PTK2: variants seen among roughly 807,000 people sequenced by gnomAD.
PTK2 encodes protein tyrosine kinase 2, also known as focal adhesion kinase 1.
In PTK2, 45 loss-of-function variants were observed where a neutral mutation model predicts 150.1. The ratio of observed to expected loss-of-function variants is 0.30; its 90% CI spans 0.24 to 0.38. The LOEUF (loss-of-function observed/expected upper bound fraction) is 0.38. Among genes scored for constraint, PTK2 ranks in the 10% least tolerant of loss-of-function variants. The pLI is 1.00. For synonymous variants in PTK2, 432 were observed against 449.2 expected, an observed-to-expected ratio of 0.96 and a Z score of 0.48; for missense variants, 919 against 1,307.3, an observed-to-expected ratio of 0.70 and a Z score of 4.58.
intron 8 of PTK2, among the ~76,000 whole-genome samples, chr8:140,822,866 A>G (rs2100109617): frequency 6.6e-6 from 1 of 152,224 alleles, no homozygotes; most frequent in Non-Finnish European, 1.5e-5. Flanking sequence ...TCAAACAGAT[A>G]ATATGGATGA....
chr8:140,721,783 GTATTTC>G (rs1274123177), intron 22 of PTK2: 1 of 152,114 alleles, frequency 6.6e-6, no homozygotes, highest in African/African-American at 2.4e-5. Context: ...ACTCCTACTT[GTATTTC>G]AAGTGTCAAA....
chr8:140,820,075 GGTTTTTTTTTTTTTTTTTT>G (rs2100107263), intron 8 of PTK2, among the ~76,000 whole-genome samples: 2 of 49,102 alleles, frequency 4.1e-5, no homozygotes, highest in African/African-American at 1.2e-4. Context: ...ATCTGACTTT[GGTTTTTTTTTTTTTTTTTT>G]TTTTTTTTTT....
chr8:140,685,208 T>C (rs1228790710), intron 27 of PTK2, among the ~76,000 whole-genome samples: 1 of 152,140 alleles, frequency 6.6e-6, no homozygotes, highest in African/African-American at 2.4e-5. Context: ...AGAATAAAAC[T>C]GGGACCCTTC....
At chr8:140,908,152 C>A (rs761782046) in intron 2 of PTK2, among the ~76,000 whole-genome samples, 2 of 152,180 alleles carry the variant, frequency 1.3e-5, no homozygotes, top group African/African-American at 2.4e-5. Context: ...GAAAGCAGAA[C>A]AGCCTTATTG....
At chr8:140,807,101 G>C (rs1164008417) in intron 10 of PTK2, among the ~76,000 whole-genome samples, 1 of 152,260 alleles carries the variant, frequency 6.6e-6, no homozygotes, top group Non-Finnish European at 1.5e-5. Flanking sequence ...GTAAGTGAAT[G>C]AAGTATGAGA....
At chr8:140,877,036 T>G (rs1244332738) in intron 4 of PTK2, among the ~76,000 whole-genome samples, 1 of 137,068 alleles carries the variant, frequency 7.3e-6, no homozygotes, top group Non-Finnish European at 1.6e-5. Flanking sequence ...TTTTTTTTTT[T>G]TTTTTTTTTT....
intron 14 of PTK2, among the ~76,000 whole-genome samples, chr8:140,765,748 T>G (rs2100071919): frequency 6.6e-6 from 1 of 152,200 alleles, no homozygotes. Flanking sequence ...GCTCTGCTTC[T>G]GTGTAAGATG....
chr8:140,980,442 G>A (rs1001881297), intron 1 of PTK2, among the ~76,000 whole-genome samples: 3 of 152,108 alleles, frequency 2.0e-5, no homozygotes, highest in African/African-American at 7.2e-5. Context: ...CTAACATGGT[G>A]AAACCCCGTC....
intron 1 of PTK2, among the ~76,000 whole-genome samples, chr8:140,998,879 G>C (rs186024635): frequency 7.3e-5 from 11 of 151,590 alleles, no homozygotes; most frequent in Non-Finnish European, 1.5e-4. Context: ...AGAAAGAACA[G>C]TTATCTGACT....
intron 1 of PTK2, among the ~76,000 whole-genome samples, chr8:140,930,503 A>C (rs950814274): frequency 2.6e-5 from 4 of 152,310 alleles, no homozygotes; most frequent in Non-Finnish European, 5.9e-5. Flanking sequence ...TAAGCACTTA[A>C]AGTTATAAAG....
At chr8:140,890,980 TA>T (rs888890433) in intron 2 of PTK2, among the ~76,000 whole-genome samples, 48 of 151,540 alleles carry the variant, frequency 3.2e-4, no homozygotes, top group Non-Finnish European at 5.6e-4. Context: ...AAATATTTGT[TA>T]AAAAAAAATT....
intron 2 of PTK2, among the ~76,000 whole-genome samples, chr8:140,907,603 T>C (rs1325983055): frequency 6.6e-6 from 1 of 152,290 alleles, no homozygotes; most frequent in East Asian, 1.9e-4. Context: ...GTGGCAACCC[T>C]GCATCGAGCG....
intron 1 of PTK2, among the ~76,000 whole-genome samples, chr8:140,942,537 T>C (rs1569297035): frequency 6.6e-6 from 1 of 152,170 alleles, no homozygotes. Flanking sequence ...TACACTGAAA[T>C]CTACTTCACT....
At chr8:140,714,224 G>A (rs961482473) in intron 23 of PTK2, among the ~76,000 whole-genome samples, 1 of 152,248 alleles carries the variant, frequency 6.6e-6, no homozygotes, top group African/African-American at 2.4e-5. Context: ...GATTGGGAAA[G>A]AGAAAGACTT....
At chr8:140,880,084 A>G (rs1179268316) in intron 3 of PTK2, among the ~76,000 whole-genome samples, 2 of 152,358 alleles carry the variant, frequency 1.3e-5, no homozygotes, top group East Asian at 1.9e-4. Flanking sequence ...AGGCTGCAAC[A>G]TTCATAATCA....
intron 5 of PTK2, among the ~76,000 whole-genome samples, chr8:140,853,945 AG>A (rs1208478300): frequency 6.6e-6 from 1 of 152,210 alleles, no homozygotes; most frequent in African/African-American, 2.4e-5. Flanking sequence ...AATATAGAGA[AG>A]GAAGTCAATT....
At chr8:140,671,316 G>T (rs1024728307) in intron 29 of PTK2, among the ~76,000 whole-genome samples, 1 of 152,154 alleles carries the variant, frequency 6.6e-6, no homozygotes, top group Non-Finnish European at 1.5e-5. Context: ...CCGCCTCCTG[G>T]ATTCCAGCGA....
At chr8:140,848,844 T>C (rs1412345540) in intron 5 of PTK2, among the ~76,000 whole-genome samples, 1 of 152,176 alleles carries the variant, frequency 6.6e-6, no homozygotes, top group Non-Finnish European at 1.5e-5. Flanking sequence ...TGGCTTTTAG[T>C]TGTCTGATGC....
At chr8:140,784,152 G>T (rs1027774446) in intron 14 of PTK2, among the ~76,000 whole-genome samples, 3 of 152,056 alleles carry the variant, frequency 2.0e-5, no homozygotes, top group Admixed American at 6.5e-5. Context: ...GTGACAAAGT[G>T]GGGGGAAAAA....
Sources: gnomAD v4.1 joint callset for allele counts (sites outside exome capture counted in the v4.1 genomes callset) on GRCh38, gnomAD v4.1.1 for gene constraint, MANE v1.5 for transcripts, NCBI Gene and HGNC (gene_info 2026-07-23, HGNC 2026-07-21) for gene names.